The following PI4KA variants were observed in gnomAD, a reference collection of about 807,000 sequenced individuals.
PI4KA encodes PI4-kinase alpha.
A neutral mutation model predicts 271.4 loss-of-function variants in PI4KA; 122 were observed. The observed-to-expected ratio is 0.45, with a 90% confidence interval of 0.39 to 0.52. The LOEUF (loss-of-function observed/expected upper bound fraction) is 0.52. PI4KA is among the 20% of genes least tolerant of loss of function. PI4KA has a pLI of 0.00. For synonymous variants in PI4KA, 1,041 were observed against 1,078.8 expected (o/e 0.96, Z 0.69); for missense variants, 1,969 against 2,769.1 (o/e 0.71, Z 6.48).
In PI4KA at chr22:20,813,449, C is replaced by G; in HGVS notation, c.914G>C (p.Ser305Thr). Residue 305 changes from serine (S) to threonine (T), a missense_variant, in exon 8 of 55, where the codon AGC becomes ACC. This residue lies in a region of PI4KA where 540 missense variants were observed against 555.5 expected (regional missense o/e 0.97). Coordinates refer to ENST00000255882, the MANE Select transcript of PI4KA (RefSeq NM_058004.4). ...AAGGGGAGAGACTGAGAAGCTGGAG[C>G]TGATGGTTGAAAAGTAGTACTCAGG... Reference protein sequence around the residue: ...LEPEYYFSTISSSFSVSPLFN... With the variant: ...LEPEYYFSTITSSFSVSPLFN... 1 of 1,613,806 alleles carries G rather than the reference C, an allele frequency of 6.2e-7. No individual in the cohort carries two copies. The highest frequency in any genetic ancestry group is 8.5e-7 in the Non-Finnish European group (1 of 1,179,748).
chr22:20,765,033 A>G, intron 21 of PI4KA, 67 bp downstream of exon 21: 3 of 1,581,900 alleles, frequency 1.9e-6, no homozygotes, highest in Admixed American at 3.4e-5. Flanking sequence ...TGTGTTAATA[A>G]TGACAGTGAA....
chr22:20,817,854 G>A (rs1464849347), intron 7 of PI4KA, among the ~76,000 whole-genome samples: 2 of 150,006 alleles, frequency 1.3e-5, no homozygotes, highest in African/African-American at 2.4e-5. Context: ...GCCAGGTGTG[G>A]TGGCTCATGC....
At chr22:20,751,205 G>A (rs1930647757) in intron 27 of PI4KA, 88 bp downstream of exon 27, 11 of 1,042,992 alleles carry the variant, frequency 1.1e-5, no homozygotes, top group Middle Eastern at 2.3e-4. Context: ...GGGACTGGGT[G>A]AGCTCATGCA....
chr22:20,783,869 C>A, intron 19 of PI4KA: 1 of 1,499,226 alleles, frequency 6.7e-7, no homozygotes, highest in Non-Finnish European at 9.3e-7. Flanking sequence ...GCTCTGCAGG[C>A]TATCTGAATG....
At chr22:20,825,780 C>T (rs1289946022) in intron 3 of PI4KA, among the ~76,000 whole-genome samples, 2 of 152,066 alleles carry the variant, frequency 1.3e-5, no homozygotes, top group Non-Finnish European at 2.9e-5. Context: ...TTTTGTTATA[C>T]AGGTAAACTG....
At chr22:20,844,444 C>T (rs1038424490) in intron 1 of PI4KA, among the ~76,000 whole-genome samples, 10 of 152,298 alleles carry the variant, frequency 6.6e-5, no homozygotes, top group African/African-American at 9.6e-5. Context: ...AATGGAGGGA[C>T]GGATGGAAGA....
intron 22 of PI4KA, chr22:20,764,493 C>G: frequency 4.2e-6 from 1 of 237,610 alleles, no homozygotes; most frequent in Non-Finnish European, 8.2e-6. Flanking sequence ...TAGACACGCA[C>G]TCAGCGAGGC....
At chr22:20,833,314 C>T (rs1195571270) in intron 3 of PI4KA, among the ~76,000 whole-genome samples, 1 of 152,162 alleles carries the variant, frequency 6.6e-6, no homozygotes, top group Non-Finnish European at 1.5e-5. Flanking sequence ...AAGGGTAGTG[C>T]CAGCCAAAGC....
At position 20,742,150 on chromosome 22, in the gene PI4KA, G is replaced by A. The variant is rs1046799930; in HGVS notation, c.3741+78C>T. On this transcript the variant is annotated intron_variant, in intron 32 of 54. Coordinates refer to ENST00000255882, the MANE Select transcript of PI4KA (RefSeq NM_058004.4). ...CTTGCCCAGTGTCTCCATGCTTGGT[G>A]GTGGCGGCACCAGGGAAGGCTCTTC... 10 of 1,474,452 alleles carry A rather than the reference G, an allele frequency of 6.8e-6. No homozygotes were observed. In the African/African-American group the frequency reaches 1.4e-4, roughly 20 times the overall value. The allele number at this position is 1,474,452 out of a possible 1,614,324, so 91.3% of individuals were successfully genotyped here.
At chr22:20,820,477 G>A in intron 5 of PI4KA, 62 bp downstream of exon 5, 1 of 1,090,904 alleles carries the variant, frequency 9.2e-7, no homozygotes, top group South Asian at 1.3e-5. Context: ...AAAGACTGGA[G>A]AAAAGCAAGG....
At chr22:20,797,671 C>T (rs1349182574) in intron 17 of PI4KA, among the ~76,000 whole-genome samples, 1 of 152,146 alleles carries the variant, frequency 6.6e-6, no homozygotes, top group Non-Finnish European at 1.5e-5. Flanking sequence ...CAACTGCAGG[C>T]AGGTTCTCAT....
chr22:20,711,259 C>T, intron 51 of PI4KA, 82 bp downstream of exon 51: 1 of 920,502 alleles, frequency 1.1e-6, no homozygotes, highest in South Asian at 1.4e-5. Context: ...TGGGCATTCT[C>T]CTCTCTGTGG....
intron 7 of PI4KA, among the ~76,000 whole-genome samples, chr22:20,817,106 A>G (rs931737404): frequency 6.6e-6 from 1 of 152,218 alleles, no homozygotes; most frequent in East Asian, 1.9e-4. Flanking sequence ...CATATATAGA[A>G]TGTAACCTGT....
chr22:20,831,258 T>G (rs188829601), intron 3 of PI4KA, among the ~76,000 whole-genome samples: 6 of 152,050 alleles, frequency 3.9e-5, no homozygotes, highest in Admixed American at 3.3e-4. Context: ...CGTTGCAAAT[T>G]CTTTTCTTTA....
chr22:20,750,645 G>A (rs1476734990), intron 27 of PI4KA, among the ~76,000 whole-genome samples: 2 of 152,194 alleles, frequency 1.3e-5, no homozygotes, highest in Admixed American at 6.5e-5. Flanking sequence ...GGAAGGGCAG[G>A]CTCTGCGTGG....
intron 1 of PI4KA, among the ~76,000 whole-genome samples, chr22:20,846,544 A>T (rs1231021257): frequency 6.6e-6 from 1 of 151,982 alleles, no homozygotes; most frequent in African/African-American, 2.4e-5. Context: ...GGGAGGGAGA[A>T]TATCAGGAAA....
chr22:20,783,859 G>A (rs1312341627), intron 19 of PI4KA: 4 of 1,414,472 alleles, frequency 2.8e-6, no homozygotes, highest in Admixed American at 3.4e-5. Context: ...TGTGGGGTCG[G>A]CTCTGCAGGC....
At chr22:20,779,114 A>G in intron 19 of PI4KA, 2 of 1,403,216 alleles carry the variant, frequency 1.4e-6, no homozygotes, top group Admixed American at 4.3e-5. Flanking sequence ...TGAGTCCCAC[A>G]TCAAAGGTTG....
At chr22:20,799,066 T>A in intron 16 of PI4KA, 27 bp downstream of exon 16, 1 of 1,596,312 alleles carries the variant, frequency 6.3e-7, no homozygotes, top group Non-Finnish European at 8.6e-7. Flanking sequence ...ACAGGGTTAG[T>A]GGTGTTCTGG....
Sources: gnomAD v4.1 joint callset for allele counts (sites outside exome capture counted in the v4.1 genomes callset) on GRCh38, gnomAD v4.1.1 for gene constraint, gnomAD v4.1.1 regional missense constraint, MANE v1.5 for transcripts, NCBI Gene and HGNC (gene_info 2026-07-23, HGNC 2026-07-21) for gene names.